AHI1: variants seen among roughly 807,000 people sequenced by gnomAD.
AHI1 encodes jouberin.
In AHI1, 123 loss-of-function variants were observed where a neutral mutation model predicts 149.3. The ratio of observed to expected loss-of-function variants is 0.82; its 90% CI spans 0.71 to 0.96. The LOEUF (loss-of-function observed/expected upper bound fraction) is 0.96. Among genes scored for constraint, AHI1 ranks in the 40% least tolerant of loss-of-function variants. The pLI is 0.00. For missense variants in AHI1, 1,439 were observed against 1,422.7 expected (o/e 1.01, Z -0.18); for synonymous variants, 475 against 459.8 (o/e 1.03, Z -0.42).
intron 3 of AHI1, chr6:135,495,369 G>A (rs1322589929): frequency 6.6e-6 from 1 of 152,162 alleles, no homozygotes; most frequent in Non-Finnish European, 1.5e-5. Flanking sequence ...CTGTGTTCCA[G>A]ACATGTGAAA....
At chr6:135,432,275 A>C (rs1784773446) in intron 16 of AHI1, among the ~76,000 whole-genome samples, 2 of 152,148 alleles carry the variant, frequency 1.3e-5, no homozygotes, top group Non-Finnish European at 2.9e-5. Flanking sequence ...GTAAAAAGTG[A>C]CTATTTAATA....
chr6:135,292,771 G>T (rs1008917737), intron 27 of AHI1, among the ~76,000 whole-genome samples: 27 of 152,186 alleles, frequency 1.8e-4, no homozygotes, highest in African/African-American at 5.8e-4. Flanking sequence ...TAATGTATGA[G>T]CAATGTCTCA....
chr6:135,455,653 G>T, intron 10 of AHI1, 81 bp downstream of exon 10: 4 of 1,106,022 alleles, frequency 3.6e-6, no homozygotes, highest in South Asian at 3.0e-5. Context: ...TGCCTTACTG[G>T]ACTACTAAAA....
rs1307390426 is a variant in AHI1 at position 135,363,772 on chromosome 6, C to T, written c.3110-5585G>A. On this transcript the variant is annotated intron_variant, in intron 23 of 28. Transcript: ENST00000265602. ...GGCAGCTGGCCGGGCGGGGGTTGAC[C>T]CCCCCACCTCCCTCCGGGACGGGGT... 2.2e-5 allele frequency among the ~76,000 whole-genome samples: 3 copies of T among 135,618 alleles called. No homozygotes were observed. In the Admixed American group the frequency reaches 2.2e-4, roughly 10 times the overall value. 89.0% of individuals were successfully genotyped at this position (135,618 alleles called of 152,430 possible).
At chr6:135,361,739 T>C (rs1793920050) in intron 23 of AHI1, among the ~76,000 whole-genome samples, 1 of 151,974 alleles carries the variant, frequency 6.6e-6, no homozygotes, top group South Asian at 2.1e-4. Flanking sequence ...TTTCATTTTC[T>C]TCAGTTTAAT....
intron 5 of AHI1, among the ~76,000 whole-genome samples, chr6:135,488,642 T>C (rs1794817239): frequency 6.6e-6 from 1 of 152,186 alleles, no homozygotes; most frequent in Admixed American, 6.5e-5. Context: ...TTTGTAAAAC[T>C]CTTATTATTG....
intron 24 of AHI1, among the ~76,000 whole-genome samples, chr6:135,344,152 T>A (rs764862746): frequency 6.6e-6 from 1 of 151,970 alleles, no homozygotes; most frequent in Non-Finnish European, 1.5e-5. Flanking sequence ...CCTAATACAA[T>A]GTAAATGCTA....
At chr6:135,471,885 A>G (rs558454272) in intron 5 of AHI1, among the ~76,000 whole-genome samples, 1,822 of 151,546 alleles carry the variant, frequency 0.012, 41 homozygotes, top group African/African-American at 0.042. Context: ...GGTGGCGGGC[A>G]CCTGTAGTCC....
At chr6:135,326,013 A>C (rs1787619080) in intron 24 of AHI1, among the ~76,000 whole-genome samples, 2 of 152,210 alleles carry the variant, frequency 1.3e-5, no homozygotes, top group Admixed American at 1.3e-4. Context: ...GGGTCCAAAA[A>C]GCCTATGAGA....
rs1790243478 is a variant in AHI1, at chr6:135,463,429, C to T, written c.750-123G>A. The stretch of plus-strand genomic sequence containing the variant: ...AATCCTAAAATCACTATTATTGTCT[C>T]TTGAGAGATGCATGTATTTTCTTAT... On this transcript the variant is annotated intron_variant, in intron 7 of 28. Coordinates refer to ENST00000265602, the MANE Select transcript of AHI1 (RefSeq NM_001134831.2). 3.9e-6 allele frequency: 3 copies of T among 766,296 alleles called. No individual in the cohort carries two copies. The African/African-American group carries it at 5.4e-5, about 14-fold the overall frequency. The allele number at this position is 766,296 out of a possible 1,614,324, so 47.5% of individuals were successfully genotyped here.
At chr6:135,326,053 C>T in intron 24 of AHI1, among the ~76,000 whole-genome samples, 1 of 152,166 alleles carries the variant, frequency 6.6e-6, no homozygotes, top group East Asian at 1.9e-4. Context: ...TATTACAGTA[C>T]CTACTGATTA....
chr6:135,455,941 A>G lies in AHI1; in HGVS notation c.1152-15T>C. The G allele has an allele frequency of 7.2e-7, 1 of 1,382,388 alleles. No homozygotes were observed. The highest frequency in any genetic ancestry group is 9.5e-7 in the Non-Finnish European group (1 of 1,054,536). The allele number at this position is 1,382,388 out of a possible 1,614,324, so 85.6% of individuals were successfully genotyped here. On this transcript the variant is annotated splice_polypyrimidine_tract_variant and intron_variant, in intron 9 of 28. Transcript: ENST00000265602. ...CAGGCCGTCCACTGTACAAAAAAAGATACTTCCATTAACACAATTTTCATA... is the reference window on the plus strand; with the variant it reads ...CAGGCCGTCCACTGTACAAAAAAAGGTACTTCCATTAACACAATTTTCATA...
At position 135,290,502 on chromosome 6, in the gene AHI1, C is replaced by G; in HGVS notation, c.3509G>C (p.Ser1170Thr). 6.2e-7 allele frequency: 1 copy of G among 1,613,832 alleles called. No individual in the cohort carries two copies. The highest frequency in any genetic ancestry group is 2.2e-5 in the East Asian group (1 of 44,876). ...CATTATGTGTCCTTGGTCCTCATGG[C>G]TCTGTTCTTTTCTCATTTCAGAACT... ...MTHSEMRKEQSHEDQGHIMDT... is the reference protein window; with the variant it reads ...MTHSEMRKEQTHEDQGHIMDT... The change falls in exon 28 of 29, where the codon AGC (serine) becomes ACC (threonine). Residue 1170 changes from serine (S) to threonine (T), a missense_variant. Transcript: ENST00000265602.
intron 26 of AHI1, among the ~76,000 whole-genome samples, chr6:135,304,332 C>T (rs1033122520): frequency 5.3e-5 from 8 of 152,210 alleles, no homozygotes; most frequent in African/African-American, 1.9e-4. Flanking sequence ...GAATTATGGG[C>T]ATGAGCCACT....
rs781697543 is a variant in AHI1 at position 135,468,396 on chromosome 6, C to CA, written c.136-763dup. Among the ~76,000 whole-genome samples the CA allele has an allele frequency of 6.6e-5, 10 of 152,030 alleles. No individual in the cohort carries two copies. The East Asian group carries it at 1.5e-3, about 23-fold the overall frequency. ...AGCAGAAATAAAGGATACAGAGACA[C>CA]AAAAAACCCTTCAAAAAATCAATGA... On this transcript the variant is annotated intron_variant, in intron 5 of 28. Transcript: ENST00000265602.
intron 24 of AHI1, among the ~76,000 whole-genome samples, chr6:135,357,904 A>T (rs1793245366): frequency 6.6e-6 from 1 of 152,228 alleles, no homozygotes. Flanking sequence ...TGCACAAAAT[A>T]ACATTCATTT....
chr6:135,382,954 T>C (rs10872430), intron 23 of AHI1, among the ~76,000 whole-genome samples: 46,732 of 99,830 alleles, frequency 0.47, 12,216 homozygotes, highest in Middle Eastern at 0.68. Context: ...TATATATATA[T>C]ACATATAAAA....
chr6:135,443,864 G>A (rs1786724022), intron 13 of AHI1, among the ~76,000 whole-genome samples: 1 of 152,050 alleles, frequency 6.6e-6, no homozygotes, highest in African/African-American at 2.4e-5. Context: ...GGGAGAGGAG[G>A]GTAACAAGGT....
At chr6:135,322,477 CTT>C (rs34814575) in intron 25 of AHI1, among the ~76,000 whole-genome samples, 4 of 150,640 alleles carry the variant, frequency 2.7e-5, no homozygotes, top group East Asian at 1.9e-4. Context: ...TTCCCTAGCT[CTT>C]TTTTTTTTCA....
Sources: allele counts gnomAD v4.1 joint callset (sites outside exome capture counted in the v4.1 genomes callset), GRCh38; gene constraint gnomAD v4.1.1; transcripts MANE v1.5; gene names NCBI Gene and HGNC (gene_info 2026-07-23, HGNC 2026-07-21).